Variants in KIAA1549 observed in about 807,000 individuals in gnomAD.
KIAA1549 encodes UPF0606 protein KIAA1549.
KIAA1549 carries 70 observed loss-of-function variants against 156.4 expected under a neutral mutation model. The observed-to-expected ratio is 0.45, with a 90% CI of 0.37 to 0.55. KIAA1549 has a LOEUF of 0.55. KIAA1549 is among the 20% of genes least tolerant of loss of function. KIAA1549 has a pLI of 0.00. For synonymous variants in KIAA1549, 1,103 were observed against 1,066.4 expected (o/e 1.03, Z -0.67); for missense variants, 2,428 against 2,540.9 (o/e 0.96, Z 0.96).
At chr7:138,867,862 C>A in intron 15 of KIAA1549, 113 bp downstream of exon 15, 1 of 1,129,460 alleles carries the variant, frequency 8.9e-7, no homozygotes. Flanking sequence ...AGGCATCAGG[C>A]ACTGATACCA....
At chr7:138,909,296 T>C (rs1812102162) in intron 4 of KIAA1549, among the ~76,000 whole-genome samples, 175 bp from the exon 5 acceptor site, 1 of 152,252 alleles carries the variant, frequency 6.6e-6, no homozygotes. Flanking sequence ...AAAGGTAACT[T>C]TGCAGTAAAT....
intron 16 of KIAA1549, among the ~76,000 whole-genome samples, chr7:138,853,807 T>A (rs1306642896): frequency 3.3e-5 from 5 of 152,116 alleles, no homozygotes; most frequent in Admixed American, 2.0e-4. Flanking sequence ...TGAGACTACA[T>A]AGAGATTATT....
intron 1 of KIAA1549, among the ~76,000 whole-genome samples, chr7:138,933,935 T>C (rs1031326618): frequency 6.6e-6 from 1 of 152,216 alleles, no homozygotes; most frequent in East Asian, 1.9e-4. Flanking sequence ...CACTGTACTC[T>C]AGCCTGGGTG....
chr7:138,954,294 T>C (rs996591481), intron 1 of KIAA1549, among the ~76,000 whole-genome samples: 3 of 152,138 alleles, frequency 2.0e-5, no homozygotes, highest in African/African-American at 7.2e-5. Context: ...GCACTCCCTT[T>C]GGGGAAAAGA....
chr7:138,935,748 A>C (rs570043720), intron 1 of KIAA1549, among the ~76,000 whole-genome samples: 1 of 152,344 alleles, frequency 6.6e-6, no homozygotes, highest in Non-Finnish European at 1.5e-5. Context: ...AATTCCAACA[A>C]ACAGTAAACA....
chr7:138,912,688 T>C (rs17160610), intron 2 of KIAA1549, among the ~76,000 whole-genome samples: 26,193 of 151,746 alleles, frequency 0.17, 2,489 homozygotes, highest in African/African-American at 0.26. Flanking sequence ...CAACTCTGCA[T>C]AGCATCAGCT....
chr7:138,947,593 A>G (rs1055274962), intron 1 of KIAA1549, among the ~76,000 whole-genome samples: 1 of 152,224 alleles, frequency 6.6e-6, no homozygotes, highest in Non-Finnish European at 1.5e-5. Context: ...CATATACAAT[A>G]CCAAGTTTTA....
At chr7:138,956,137 G>A (rs1203967650) in intron 1 of KIAA1549, among the ~76,000 whole-genome samples, 1 of 152,068 alleles carries the variant, frequency 6.6e-6, no homozygotes, top group Non-Finnish European at 1.5e-5. Flanking sequence ...CAAGCGACAC[G>A]CCCACCTCAG....
chr7:138,923,605 GA>G (rs11284264), intron 1 of KIAA1549, among the ~76,000 whole-genome samples: 21,409 of 135,390 alleles, frequency 0.16, 2,561 homozygotes, highest in African/African-American at 0.35. Context: ...ATCTCAAAAA[GA>G]AAAAAAAAAA....
chr7:138,842,116 C>T (rs1190902382), intron 18 of KIAA1549, among the ~76,000 whole-genome samples: 3 of 152,202 alleles, frequency 2.0e-5, no homozygotes, highest in African/African-American at 4.8e-5. Context: ...AAGAGCAGCG[C>T]GGTGTTCCCT....
chr7:138,846,726 T>C (rs974920582), intron 17 of KIAA1549, among the ~76,000 whole-genome samples: 1 of 152,118 alleles, frequency 6.6e-6, no homozygotes, highest in Admixed American at 6.5e-5. Flanking sequence ...GTCTGAGAAC[T>C]TCACCTTGAG....
At chr7:138,915,067 G>A (rs1465042127) in intron 2 of KIAA1549, among the ~76,000 whole-genome samples, 1 of 152,130 alleles carries the variant, frequency 6.6e-6, no homozygotes, top group Non-Finnish European at 1.5e-5. Flanking sequence ...TCATGATGTT[G>A]CTCCAACCAC....
At chr7:138,956,625 C>A (rs992034533) in intron 1 of KIAA1549, among the ~76,000 whole-genome samples, 2 of 152,148 alleles carry the variant, frequency 1.3e-5, no homozygotes, top group Non-Finnish European at 2.9e-5. Context: ...GTAAGACGTG[C>A]CTCTCACCTT....
At chr7:138,953,247 T>G (rs146454167) in intron 1 of KIAA1549, among the ~76,000 whole-genome samples, 1,709 of 152,230 alleles carry the variant, frequency 0.011, 37 homozygotes, top group African/African-American at 0.039. Flanking sequence ...TCCAAGCTAC[T>G]CAGGAGGCTG....
Position 138,925,502 on chromosome 7 carries a change from T to C in KIAA1549, c.188-6064A>G, listed in dbSNP as rs1812686273. Among the ~76,000 whole-genome samples the C allele has an allele frequency of 3.3e-5, 5 of 152,056 alleles. No individual in the cohort carries two copies. In the South Asian group the frequency reaches 1.0e-3, roughly 31 times the overall value. On this transcript the variant is annotated intron_variant, in intron 1 of 19. Transcript: ENST00000422774. ...AAATCAAGCCACCAAATTAAAGTTG[T>C]TGGCAAGGAAATTTAGTTAAAAAAC...
rs370793883 is a variant in KIAA1549 at position 138,864,232 on chromosome 7, C to T, written c.4930-2776G>A. On this transcript the variant is annotated intron_variant, in intron 15 of 19. Transcript: ENST00000422774. ...CAAACTGAGATTCCACTGTGGGAAA[C>T]GATCTCAGACATTTGAGCAGAGTCC... 1.8e-4 allele frequency among the ~76,000 whole-genome samples: 27 copies of T among 152,304 alleles called. No individual in the cohort carries two copies. In the South Asian group the frequency reaches 5.0e-3, roughly 28 times the overall value.
chr7:138,921,500 T>C (rs1812562548), intron 1 of KIAA1549, among the ~76,000 whole-genome samples: 1 of 152,180 alleles, frequency 6.6e-6, no homozygotes, highest in Non-Finnish European at 1.5e-5. Flanking sequence ...TCAGTGTAGA[T>C]GTAATTAGCT....
chr7:138,970,202 G>A (rs911974496), intron 1 of KIAA1549, among the ~76,000 whole-genome samples: 1 of 152,218 alleles, frequency 6.6e-6, no homozygotes, highest in Non-Finnish European at 1.5e-5. Context: ...TCTGTCCACA[G>A]ACATGTGGGT....
Position 138,958,281 on chromosome 7 carries a change from G to A in KIAA1549, c.187+22802C>T, listed in dbSNP as rs532518504. On this transcript the variant is annotated intron_variant, in intron 1 of 19. Coordinates refer to ENST00000422774, the MANE Select transcript of KIAA1549 (RefSeq NM_001164665.2). ...GAACACTCCTTCCACCATGGCACCG[G>A]ATCTAGGTGCCACCATCACCCACGA... Among the ~76,000 whole-genome samples the A allele has an allele frequency of 1.0e-3, 155 of 152,270 alleles. 1 individual carries two copies. The highest frequency in any genetic ancestry group is 3.7e-3 in the African/African-American group (152 of 41,558).
Sources: gnomAD v4.1 joint callset for allele counts (sites outside exome capture counted in the v4.1 genomes callset) on GRCh38, gnomAD v4.1.1 for gene constraint, MANE v1.5 for transcripts, NCBI Gene and HGNC (gene_info 2026-07-23, HGNC 2026-07-21) for gene names.